The following PHF21B variants were observed in gnomAD, a reference collection of about 807,000 sequenced individuals.
PHF21B encodes the protein PHD finger protein 4.
A neutral mutation model predicts 62.2 loss-of-function variants in PHF21B; 22 were observed. The ratio of observed to expected loss-of-function variants is 0.35; its 90% CI spans 0.25 to 0.51. The LOEUF (loss-of-function observed/expected upper bound fraction) is 0.51, where lower values mean the gene tolerates loss of function less well. Ranked by LOEUF, PHF21B falls within the 20% of genes least tolerant of loss-of-function variation. The pLI is 0.97. For synonymous variants in PHF21B, 341 were observed against 314.7 expected (o/e 1.08, Z -0.88); for missense variants, 701 against 707.9 (o/e 0.99, Z 0.11).
chr22:44,933,357 C>T (rs909547398), intron 2 of PHF21B: 36 of 666,806 alleles, frequency 5.4e-5, no homozygotes, highest in Middle Eastern at 7.5e-4. Flanking sequence ...GGGATCCGTC[C>T]GCCTCGGCCT....
At chr22:44,991,336 G>A (rs764856623) in intron 2 of PHF21B, among the ~76,000 whole-genome samples, 4 of 152,120 alleles carry the variant, frequency 2.6e-5, no homozygotes, top group Admixed American at 6.5e-5. Context: ...TGCTGGGTCC[G>A]TGCAAAGGGG....
intron 5 of PHF21B, among the ~76,000 whole-genome samples, chr22:44,897,741 A>G (rs1404392135): frequency 1.3e-5 from 2 of 152,190 alleles, no homozygotes; most frequent in Non-Finnish European, 2.9e-5. Flanking sequence ...CACCCAGTTC[A>G]TCGCAACTAA....
Position 45,009,393 on chromosome 22 carries a change from G to T in PHF21B, c.54+103C>A. 1.6e-6 allele frequency: 2 copies of T among 1,231,574 alleles called. No homozygotes were observed. The highest frequency in any genetic ancestry group is 2.2e-6 in the Non-Finnish European group (2 of 915,684). The allele number at this position is 1,231,574 out of a possible 1,614,324, so 76.3% of individuals were successfully genotyped here. A position where few individuals can be genotyped will look rare whatever the true frequency, so the allele number is the denominator to read the frequency against. ...CCGCCCCCGGGCAGGCTCCAGCCTGGAAGACCCAGAGACCCGGAAGAGAGG... is the reference window on the plus strand; with the variant it reads ...CCGCCCCCGGGCAGGCTCCAGCCTGTAAGACCCAGAGACCCGGAAGAGAGG... On this transcript the variant is annotated intron_variant, in intron 1 of 12. Coordinates refer to ENST00000313237, the MANE Select transcript of PHF21B (RefSeq NM_138415.5). The surrounding 1 kb of genome is among the most constrained non-coding windows in gnomAD (Gnocchi z 5.9).
chr22:44,935,644 G>C (rs1044413358), intron 2 of PHF21B, among the ~76,000 whole-genome samples: 2 of 151,348 alleles, frequency 1.3e-5, no homozygotes, highest in African/African-American at 4.9e-5. Flanking sequence ...AAAAAAAACA[G>C]AAGCACATGG....
At chr22:44,988,017 A>G (rs1442117987) in intron 2 of PHF21B, among the ~76,000 whole-genome samples, 1 of 152,252 alleles carries the variant, frequency 6.6e-6, no homozygotes, top group Non-Finnish European at 1.5e-5. Flanking sequence ...CTCAACCAGT[A>G]AGAATGACTA....
At chr22:44,984,136 A>C (rs1288467498) in intron 2 of PHF21B, among the ~76,000 whole-genome samples, 2 of 146,086 alleles carry the variant, frequency 1.4e-5, no homozygotes, top group Non-Finnish European at 3.0e-5. Flanking sequence ...CATCATCATG[A>C]TCACCATCAT....
chr22:44,895,898 G>A lies in PHF21B; in HGVS notation c.883+134C>T, dbSNP rs540966142. On this transcript the variant is annotated intron_variant, in intron 6 of 12. Coordinates refer to ENST00000313237, the MANE Select transcript of PHF21B (RefSeq NM_138415.5). ...CCGGGACATCCTGAGACCCACTGCA[G>A]CAGTGTGAGGCCACGCTCCACCCAT... 6.4e-6 allele frequency: 6 copies of A among 931,834 alleles called. No homozygotes were observed. In the South Asian group the frequency reaches 8.0e-5, roughly 12 times the overall value. 57.7% of individuals were successfully genotyped at this position (931,834 alleles called of 1,614,324 possible).
At chr22:44,998,443 C>T (rs555386939) in intron 2 of PHF21B, among the ~76,000 whole-genome samples, 5 of 152,298 alleles carry the variant, frequency 3.3e-5, no homozygotes, top group African/African-American at 1.2e-4. Context: ...CACAGGGGCC[C>T]GATCTTGTTC....
intron 2 of PHF21B, among the ~76,000 whole-genome samples, chr22:44,931,122 G>A (rs956146561): frequency 4.6e-5 from 7 of 152,206 alleles, no homozygotes; most frequent in Admixed American, 3.3e-4. Context: ...TGGCGCAACC[G>A]TAGCTCACTG....
intron 2 of PHF21B, among the ~76,000 whole-genome samples, chr22:44,995,739 T>C (rs997712911): frequency 2.6e-5 from 4 of 151,784 alleles, no homozygotes; most frequent in African/African-American, 7.3e-5. Context: ...TTCCGAGATG[T>C]TGAGTGGAGA....
chr22:44,895,902 T>C (rs1023455823), intron 6 of PHF21B, 130 bp downstream of exon 6: 1 of 974,900 alleles, frequency 1.0e-6, no homozygotes, highest in South Asian at 1.3e-5. Context: ...ACTGCAGCAG[T>C]GTGAGGCCAC....
chr22:44,916,738 C>A, intron 3 of PHF21B, 108 bp from the exon 4 acceptor site: 3 of 994,160 alleles, frequency 3.0e-6, no homozygotes, highest in South Asian at 2.7e-5. Context: ...AGGGGCAGCA[C>A]TGGAAAGAGC....
In PHF21B at chr22:44,980,081, A is replaced by G. The variant is rs1315624376; in HGVS notation, c.120+28464T>C. Among the ~76,000 whole-genome samples, 30 of 151,032 alleles carry G rather than the reference A, an allele frequency of 2.0e-4. 1 individual carries two copies. In the East Asian group the frequency reaches 5.6e-3, roughly 28 times the overall value. ...AAGACTTCGTCTCAAAAAAAAAAAA[A>G]AAAAAAAAAAAAAAAGGAAAGAAGA... On this transcript the variant is annotated intron_variant, in intron 2 of 12. Transcript: ENST00000313237.
chr22:44,956,288 A>G (rs916556795), intron 2 of PHF21B, among the ~76,000 whole-genome samples: 6 of 152,174 alleles, frequency 3.9e-5, no homozygotes, highest in South Asian at 2.1e-4. Context: ...AGCCGCCCCA[A>G]TGCTAGGGCA....
intron 2 of PHF21B, among the ~76,000 whole-genome samples, chr22:44,932,238 A>G (rs35309806): frequency 0.089 from 13,611 of 152,286 alleles, 668 homozygotes; most frequent in Middle Eastern, 0.14. Flanking sequence ...GAGAGGGCAG[A>G]TTGGGGGGCG....
At chr22:44,928,913 G>A (rs2071686982) in intron 2 of PHF21B, among the ~76,000 whole-genome samples, 1 of 152,198 alleles carries the variant, frequency 6.6e-6, no homozygotes, top group South Asian at 2.1e-4. Flanking sequence ...CCACTGCCGG[G>A]GCTGAGGACC....
intron 2 of PHF21B, among the ~76,000 whole-genome samples, chr22:44,978,393 T>C (rs2072777614): frequency 6.6e-6 from 1 of 152,206 alleles, no homozygotes; most frequent in Non-Finnish European, 1.5e-5. Flanking sequence ...GGAGACTCCC[T>C]GCGATGCCCA....
rs554783185 is a variant in PHF21B, at chr22:45,002,282, A to G, written c.120+6263T>C. Among the ~76,000 whole-genome samples the G allele has an allele frequency of 2.0e-5, 3 of 152,352 alleles. No homozygotes were observed. The South Asian group carries it at 6.2e-4, about 32-fold the overall frequency. ...TTAAATCAATAGGAATAAAAATGTA[A>G]CTGGTAAACATGTAACTATAAATTG... On this transcript the variant is annotated intron_variant, in intron 2 of 12. Transcript: ENST00000313237.
rs1243492837 is a variant in PHF21B, at chr22:44,896,064, G to A, written c.851C>T (p.Ala284Val). The change falls in exon 6 of 13, where the codon GCG becomes GTG. Residue 284 changes from alanine to valine, a missense_variant. By Grantham distance (64) the Ala-to-Val change is moderately conservative. Coordinates refer to ENST00000313237, the MANE Select transcript of PHF21B (RefSeq NM_138415.5). ...ENPEKIAFMV[A>V]LGLVTTEHLE... Reference sequence around the variant, plus strand: ...ATGTTCCGTGGTAACCAGGCCTAGCGCTACCATGAAGGCGATTTTCTGAGG... The same window carrying A: ...ATGTTCCGTGGTAACCAGGCCTAGCACTACCATGAAGGCGATTTTCTGAGG... 2 of 1,614,138 alleles carry A rather than the reference G, an allele frequency of 1.2e-6. No homozygotes were observed. The highest frequency in any genetic ancestry group is 1.7e-6 in the Non-Finnish European group (2 of 1,180,020).
Sources: allele counts gnomAD v4.1 joint callset (sites outside exome capture counted in the v4.1 genomes callset), GRCh38; gene constraint gnomAD v4.1.1; non-coding constraint Gnocchi (gnomAD v3.1); transcripts MANE v1.5; gene names NCBI Gene and HGNC (gene_info 2026-07-23, HGNC 2026-07-21).